RASSF3: variants seen among roughly 807,000 people sequenced by gnomAD.
RASSF3 encodes ras association domain-containing protein 3.
RASSF3 carries 19 observed loss-of-function variants against 19.9 expected under a neutral mutation model. The observed-to-expected ratio is 0.96, with a 90% confidence interval of 0.67 to 1.40. RASSF3 has a LOEUF of 1.40. Among genes scored for constraint, RASSF3 ranks in the 40% most tolerant of loss-of-function variants. RASSF3 has a pLI of 0.00. For missense variants in RASSF3, 306 were observed against 289.8 expected (o/e 1.06, Z -0.41); for synonymous variants, 110 against 104.2 (o/e 1.06, Z -0.34).
At chr12:64,550,962 A>G (rs896808987) in intron 2 of RASSF3, among the ~76,000 whole-genome samples, 1 of 151,814 alleles carries the variant, frequency 6.6e-6, no homozygotes, top group African/African-American at 2.4e-5. Context: ...ACCTCCACCC[A>G]CACATTCCTT....
At chr12:64,634,762 TAAAAAAAAAAAAAAAAAA>T (rs57235286) in intron 1 of RASSF3, among the ~76,000 whole-genome samples, 1 of 90,988 alleles carries the variant, frequency 1.1e-5, no homozygotes. Context: ...CACCATCTCA[TAAAAAAAAAAAAAAAAAA>T]AAAAAAAAAA....
At chr12:64,549,604 T>C (rs1179615489) in intron 2 of RASSF3, among the ~76,000 whole-genome samples, 1 of 152,166 alleles carries the variant, frequency 6.6e-6, no homozygotes, top group Admixed American at 6.5e-5. Flanking sequence ...GAGTCAATGG[T>C]AAAACTTTCT....
chr12:64,545,382 A>G (rs1221672320), downstream of RASSF3, among the ~76,000 whole-genome samples: 3 of 152,214 alleles, frequency 2.0e-5, no homozygotes, highest in African/African-American at 7.2e-5. Flanking sequence ...TCTTATATTG[A>G]TTTTGAAAAA....
rs1180725265 is a variant in RASSF3 at position 64,536,747 on chromosome 12, G to A, written c.67+3413G>A. On this transcript the variant is annotated intron_variant, in intron 1 of 1. Coordinates refer to the RASSF3 transcript ENST00000636333. ...CCATTTTGGGTAGAAAACAGAAGAT[G>A]AGCAGGCAGGTGAGGGATTCAGTGC... Among the ~76,000 whole-genome samples, 63 of 152,232 alleles carry A rather than the reference G, an allele frequency of 4.1e-4. 1 individual carries two copies. Among genetic ancestry groups the A allele is most frequent in the Admixed American group, 4.1e-3 (63 of 15,274 alleles).
At chr12:64,547,455 TACTC>T (rs1869085406) in intron 2 of RASSF3, among the ~76,000 whole-genome samples, 5 of 151,978 alleles carry the variant, frequency 3.3e-5, no homozygotes, top group African/African-American at 1.2e-4. Flanking sequence ...TAGTCCCAGA[TACTC>T]AGGAGGCTGA....
downstream of RASSF3, among the ~76,000 whole-genome samples, chr12:64,543,314 T>G (rs1233555909): frequency 6.6e-6 from 1 of 150,720 alleles, no homozygotes; most frequent in Non-Finnish European, 1.5e-5. Context: ...CCCACAGCAG[T>G]GCCGGCCCAC....
intron 1 of RASSF3, chr12:64,654,735 C>G (rs1872096631): frequency 6.6e-6 from 1 of 151,500 alleles, no homozygotes; most frequent in Non-Finnish European, 1.5e-5. Context: ...TGTGGTGGCA[C>G]ACACCTGTAA....
intron 1 of RASSF3, among the ~76,000 whole-genome samples, chr12:64,627,938 C>A (rs939732780): frequency 6.6e-6 from 1 of 152,168 alleles, no homozygotes; most frequent in African/African-American, 2.4e-5. Flanking sequence ...GGGAAAGTAA[C>A]AGCAATAGGA....
chr12:64,602,109 C>T (rs4550309), intron 2 of RASSF3, among the ~76,000 whole-genome samples: 126 of 146,228 alleles, frequency 8.6e-4, no homozygotes, highest in African/African-American at 3.0e-3. Flanking sequence ...AGAGCGACTT[C>T]GTCTCAGAAA....
At chr12:64,521,552 G>A (rs4964107) in intron 1 of RASSF3, among the ~76,000 whole-genome samples, 27,105 of 152,146 alleles carry the variant, frequency 0.18, 3,767 homozygotes, top group African/African-American at 0.39. Flanking sequence ...ATAATCTGAC[G>A]CTGAAAATGA....
At chr12:64,515,755 G>A (rs1378000892) in intron 1 of RASSF3, among the ~76,000 whole-genome samples, 2 of 152,060 alleles carry the variant, frequency 1.3e-5, no homozygotes, top group African/African-American at 4.8e-5. Context: ...GAACTCCTGG[G>A]CTTAAGCAAT....
At position 64,619,937 on chromosome 12, in the gene RASSF3, G is replaced by A. The variant is rs186514542; in HGVS notation, c.111+9194G>A. Among the ~76,000 whole-genome samples the A allele has an allele frequency of 4.4e-3, 650 of 148,512 alleles. 22 individuals are homozygous for A. Among genetic ancestry groups the A allele is most frequent in the Admixed American group, 0.039 (577 of 14,706 alleles). ...GGAGGTTGTGGTGAGCCGAGATTGCGCCACTGCACTCCAGCTTGGGCAACA... is the reference window on the plus strand; with the variant it reads ...GGAGGTTGTGGTGAGCCGAGATTGCACCACTGCACTCCAGCTTGGGCAACA... On this transcript the variant is annotated intron_variant, in intron 1 of 4. Coordinates refer to ENST00000542104, the MANE Select transcript of RASSF3 (RefSeq NM_178169.4).
Position 64,688,311 on chromosome 12 carries a change from T to C in RASSF3, c.315T>C (p.Ser105=), listed in dbSNP as rs750071804. The C allele has an allele frequency of 6.2e-7, 1 of 1,613,964 alleles. No homozygotes were observed. Among genetic ancestry groups the C allele is most frequent in the East Asian group, 2.2e-5 (1 of 44,894 alleles). Residue 105 remains serine (S), a synonymous_variant, in exon 3 of 5, where the codon AGT becomes AGC. Transcript: ENST00000542104. ...TSPNSGKLSP[S]SNGCMNTLHI... The stretch of plus-strand genomic sequence containing the variant: ...CAAATTCTGGAAAACTCTCTCCCAG[T>C]AGCAATGGCTGTATGAATACACTTC...
chr12:64,669,772 C>G (rs953615775), intron 1 of RASSF3, among the ~76,000 whole-genome samples: 3 of 151,510 alleles, frequency 2.0e-5, no homozygotes, highest in Non-Finnish European at 2.9e-5. Context: ...TTCCTCCCAG[C>G]CTCGGGCTTC....
At chr12:64,572,068 A>C (rs932177352) in intron 2 of RASSF3, among the ~76,000 whole-genome samples, 1 of 152,138 alleles carries the variant, frequency 6.6e-6, no homozygotes, top group Non-Finnish European at 1.5e-5. Flanking sequence ...TGGCTTCATG[A>C]ACTTTGCCTT....
At chr12:64,585,909 T>A (rs1299529383) in intron 2 of RASSF3, among the ~76,000 whole-genome samples, 1 of 152,100 alleles carries the variant, frequency 6.6e-6, no homozygotes, top group Non-Finnish European at 1.5e-5. Context: ...CCTGGCCAAG[T>A]CTTTAACAAT....
chr12:64,507,466 A>G (rs7956653), intron 1 of RASSF3: 186,920 of 395,036 alleles, frequency 0.47, 48,259 homozygotes, highest in Non-Finnish European at 0.55. Flanking sequence ...AAGGTATTCC[A>G]CTTGGTCATC....
intron 1 of RASSF3, among the ~76,000 whole-genome samples, chr12:64,522,552 C>T (rs1565831756): frequency 6.6e-6 from 1 of 152,184 alleles, no homozygotes; most frequent in South Asian, 2.1e-4. Context: ...TACCAAGTCT[C>T]TTGTCAAAAG....
chr12:64,574,173 T>C (rs1489183485), intron 2 of RASSF3, among the ~76,000 whole-genome samples: 1 of 150,418 alleles, frequency 6.6e-6, no homozygotes, highest in Non-Finnish European at 1.5e-5. Flanking sequence ...TAGCCGGGTG[T>C]GATGGCTGGG....
Sources: gnomAD v4.1 joint callset for allele counts (sites outside exome capture counted in the v4.1 genomes callset) on GRCh38, gnomAD v4.1.1 for gene constraint, MANE v1.5 for transcripts, NCBI Gene and HGNC (gene_info 2026-07-23, HGNC 2026-07-21) for gene names.